The following RNF11 variants were observed in gnomAD, a reference collection of about 807,000 sequenced individuals.
RNF11 encodes ring finger protein 11.
Under a neutral mutation model 15.8 loss-of-function variants are expected in RNF11, and 4 were observed. The observed-to-expected ratio is 0.25, with a 90% confidence interval of 0.12 to 0.58. RNF11 has a LOEUF of 0.58. Ranked by LOEUF, RNF11 falls within the 20% of genes least tolerant of loss-of-function variation. The pLI, the probability that RNF11 is intolerant of heterozygous loss-of-function variation, is 0.91. For synonymous variants in RNF11, 68 were observed against 72.3 expected (o/e 0.94, Z 0.30); for missense variants, 139 against 194.4 (o/e 0.71, Z 1.70).
At chr1:51,238,423 C>T (rs939117394) in intron 1 of RNF11, among the ~76,000 whole-genome samples, 11 of 152,182 alleles carry the variant, frequency 7.2e-5, no homozygotes, top group African/African-American at 2.4e-4. Context: ...TCGCATCTGC[C>T]TCAGTAGGGA....
intron 1 of RNF11, among the ~76,000 whole-genome samples, chr1:51,258,761 G>T (rs1557681018): frequency 6.6e-6 from 1 of 151,902 alleles, no homozygotes; most frequent in East Asian, 1.9e-4. Context: ...CCTTTCTTTT[G>T]CCAATCTCCC....
At chr1:51,250,784 G>C (rs887448911) in intron 1 of RNF11, 2 of 1,427,790 alleles carry the variant, frequency 1.4e-6, no homozygotes, top group African/African-American at 1.4e-5. Context: ...AGTTGCCCAG[G>C]GTGGCAGTGC....
intron 1 of RNF11, among the ~76,000 whole-genome samples, chr1:51,240,868 G>A (rs1646826311): frequency 6.6e-6 from 1 of 152,006 alleles, no homozygotes; most frequent in African/African-American, 2.4e-5. Context: ...TCACCTTGTT[G>A]CCCAGCTAGA....
chr1:51,248,445 G>A (rs563599238), intron 1 of RNF11, among the ~76,000 whole-genome samples: 65 of 151,996 alleles, frequency 4.3e-4, no homozygotes, highest in African/African-American at 1.6e-3. Context: ...CAGGTGATCC[G>A]CTCGCCTCGG....
intron 1 of RNF11, among the ~76,000 whole-genome samples, chr1:51,243,548 C>T (rs1030421519): frequency 1.3e-5 from 2 of 152,174 alleles, no homozygotes; most frequent in Admixed American, 6.5e-5. Flanking sequence ...GAGCAATTCT[C>T]CTGCCTCAGC....
intron 1 of RNF11, among the ~76,000 whole-genome samples, chr1:51,263,066 A>G (rs920451348): frequency 1.3e-5 from 2 of 152,158 alleles, no homozygotes; most frequent in Admixed American, 6.5e-5. Flanking sequence ...GAGTTACACA[A>G]CCATCACTTA....
At chr1:51,260,996 C>A (rs150656829) in intron 1 of RNF11, among the ~76,000 whole-genome samples, 1 of 152,218 alleles carries the variant, frequency 6.6e-6, no homozygotes, top group Non-Finnish European at 1.5e-5. Context: ...ACATGAGAAT[C>A]GAAAGAAAGA....
At chr1:51,262,203 C>T (rs1646933487) in intron 1 of RNF11, among the ~76,000 whole-genome samples, 1 of 152,150 alleles carries the variant, frequency 6.6e-6, no homozygotes, top group South Asian at 2.1e-4. Context: ...GCTGGGATTG[C>T]GGGTGTGAGC....
At chr1:51,247,872 C>A (rs1369824747) in intron 1 of RNF11, among the ~76,000 whole-genome samples, 1 of 152,234 alleles carries the variant, frequency 6.6e-6, no homozygotes, top group Admixed American at 6.5e-5. Context: ...AGCAACCCTC[C>A]AAATATATTT....
chr1:51,244,475 C>T lies in RNF11; in HGVS notation c.123+7596C>T, dbSNP rs191747082. ...TCTCAGCTCACTGCAAGCTCCGCCT[C>T]CCGGGTTCACGCCATTCTCCTGCCT... On this transcript the variant is annotated intron_variant, in intron 1 of 2. Transcript: ENST00000242719. Among the ~76,000 whole-genome samples the T allele has an allele frequency of 6.3e-4, 96 of 152,278 alleles. No individual in the cohort carries two copies. The Middle Eastern group carries it at 0.014, about 22-fold the overall frequency.
At chr1:51,270,224 T>C (rs1213522354) in intron 2 of RNF11, 99 bp downstream of exon 2, 7 of 840,136 alleles carry the variant, frequency 8.3e-6, no homozygotes, top group Non-Finnish European at 1.3e-5. Flanking sequence ...AGACATTTAA[T>C]ATATTGAAAC....
intron 1 of RNF11, among the ~76,000 whole-genome samples, chr1:51,247,770 T>C (rs1646859050): frequency 1.3e-5 from 2 of 152,206 alleles, no homozygotes; most frequent in Admixed American, 1.3e-4. Context: ...TAGAGTGTAC[T>C]CCCAGGGGCC....
chr1:51,257,659 C>T (rs1049050501), intron 1 of RNF11, among the ~76,000 whole-genome samples: 7 of 151,230 alleles, frequency 4.6e-5, no homozygotes, highest in Non-Finnish European at 5.9e-5. Context: ...GGTTTCGCCA[C>T]ATTGCCCAGG....
At chr1:51,244,057 G>C (rs1646841466) in intron 1 of RNF11, among the ~76,000 whole-genome samples, 1 of 152,116 alleles carries the variant, frequency 6.6e-6, no homozygotes, top group Admixed American at 6.6e-5. Context: ...TTCTTAATCT[G>C]AACTCCTTTA....
intron 1 of RNF11, among the ~76,000 whole-genome samples, chr1:51,237,129 C>T (rs546256791): frequency 1.8e-4 from 28 of 152,212 alleles, no homozygotes; most frequent in African/African-American, 2.4e-5. Context: ...GTGATCACAT[C>T]CCCTTGGCCA....
At position 51,247,715 on chromosome 1, in the gene RNF11, G is replaced by C. The variant is rs545289544; in HGVS notation, c.123+10836G>C. 2.6e-5 allele frequency among the ~76,000 whole-genome samples: 4 copies of C among 152,186 alleles called. No individual in the cohort carries two copies. In the East Asian group the frequency reaches 7.7e-4, roughly 29 times the overall value. ...AACTCTTAGATGAGTTCCTTATTTT[G>C]ACAATGAATGCGTGTGTCCCTATCT... On this transcript the variant is annotated intron_variant, in intron 1 of 2. Transcript: ENST00000242719.
In RNF11 at chr1:51,236,684, C is replaced by A; in HGVS notation, c.-73C>A. ...CCCGACCCCACCTCGCCAACCGAGG[C>A]GGACCGCGGAGTGTGCGAACGACCC... On this transcript the variant is annotated 5_prime_UTR_variant, in exon 1 of 3. Coordinates refer to ENST00000242719, the MANE Select transcript of RNF11 (RefSeq NM_014372.5). 6.3e-7 allele frequency: 1 copy of A among 1,584,986 alleles called. No homozygotes were observed. Among genetic ancestry groups the A allele is most frequent in the Non-Finnish European group, 8.6e-7 (1 of 1,162,994 alleles).
intron 1 of RNF11, among the ~76,000 whole-genome samples, chr1:51,265,527 CAT>C (rs1180212155): frequency 6.6e-6 from 1 of 152,062 alleles, no homozygotes; most frequent in Non-Finnish European, 1.5e-5. Flanking sequence ...TGCATGCAGA[CAT>C]ATGGAGAACT....
At chr1:51,268,638 A>T (rs1412841662) in intron 1 of RNF11, among the ~76,000 whole-genome samples, 1 of 152,178 alleles carries the variant, frequency 6.6e-6, no homozygotes, top group East Asian at 1.9e-4. Flanking sequence ...GATTTAAGAG[A>T]CCCTTTATAT....
Sources: gnomAD v4.1 joint callset for allele counts (sites outside exome capture counted in the v4.1 genomes callset) on GRCh38, gnomAD v4.1.1 for gene constraint, MANE v1.5 for transcripts, NCBI Gene and HGNC (gene_info 2026-07-23, HGNC 2026-07-21) for gene names.